Variants in YOD1 observed in about 807,000 individuals in gnomAD.
YOD1 encodes the protein YOD1 deubiquitinase.
In YOD1, 17 loss-of-function variants were observed where a neutral mutation model predicts 23.7. The observed-to-expected ratio is 0.72, with a 90% CI of 0.49 to 1.07. The LOEUF (loss-of-function observed/expected upper bound fraction) is 1.07, where lower values mean the gene tolerates loss of function less well. Among genes scored for constraint, YOD1 ranks in the 50% least tolerant of loss-of-function variants. The pLI, the probability that YOD1 is intolerant of heterozygous loss-of-function variation, is 0.00. For synonymous variants in YOD1, 191 were observed against 169.6 expected (o/e 1.13, Z -0.98); for missense variants, 413 against 447.2 (o/e 0.92, Z 0.69).
In YOD1 at chr1:207,051,043, C is replaced by T; in HGVS notation, c.-13G>A. ...CGGGGCCAAACATCGCGAGAAGTTG[C>T]GGGTGGTTGCAGTTATCGCGACGCT... On this transcript the variant is annotated 5_prime_UTR_variant, in exon 1 of 2. Transcript: ENST00000315927. 6.7e-7 allele frequency: 1 copy of T among 1,491,282 alleles called. No individual in the cohort carries two copies. Among genetic ancestry groups the T allele is most frequent in the Non-Finnish European group, 8.9e-7 (1 of 1,122,014 alleles). 92.4% of individuals were successfully genotyped at this position (1,491,282 alleles called of 1,614,324 possible).
intron 1 of YOD1, among the ~76,000 whole-genome samples, chr1:207,050,092 T>TCTAC (rs1235997694): frequency 2.0e-5 from 3 of 150,482 alleles, no homozygotes; most frequent in Non-Finnish European, 4.5e-5. Context: ...CGGAAACTTA[T>TCTAC]CTACTCTAGA....
In YOD1 at chr1:207,049,459, C is replaced by T. The variant is rs1292404647; in HGVS notation, c.608G>A (p.Gly203Glu). 8 of 1,614,042 alleles carry T rather than the reference C, an allele frequency of 5.0e-6. No individual in the cohort carries two copies. The highest frequency in any genetic ancestry group is 5.9e-6 in the Non-Finnish European group (7 of 1,180,034). The change falls in exon 2 of 2, where the codon GGA becomes GAA. Residue 203 changes from glycine (G) to glutamate (E), a missense_variant. Transcript: ENST00000315927. ...GTCACAGTACTCTTGATTTGTTTTTCCCAGTATTGCCTCACTATAGAAGTC... is the reference window on the plus strand; with the variant it reads ...GTCACAGTACTCTTGATTTGTTTTTTCCAGTATTGCCTCACTATAGAAGTC... Reference protein sequence around the residue: ...DPDFYSEAILGKTNQEYCDWI... With the variant: ...DPDFYSEAILEKTNQEYCDWI...
In YOD1 at chr1:207,049,135, G is replaced by A; in HGVS notation, c.932C>T (p.Thr311Ile). ...ADEARRRRQF[T>I]DVNRFTLRCM... ...TCTCAGGGTGAAGCGGTTGACATCAGTAAACTGTCTCCTTCTTCTAGCTTC... is the reference window on the plus strand; with the variant it reads ...TCTCAGGGTGAAGCGGTTGACATCAATAAACTGTCTCCTTCTTCTAGCTTC... Residue 311 changes from threonine (T) to isoleucine (I), a missense_variant, in exon 2 of 2, where the codon ACT (threonine) becomes ATT (isoleucine). By Grantham distance (89) the Thr-to-Ile change is moderately conservative. Coordinates refer to ENST00000315927, the MANE Select transcript of YOD1 (RefSeq NM_018566.4). The A allele has an allele frequency of 6.2e-7, 1 of 1,613,996 alleles. No individual in the cohort carries two copies. Among genetic ancestry groups the A allele is most frequent in the South Asian group, 1.1e-5 (1 of 91,078 alleles).
At chr1:207,052,394 G>C, upstream of YOD1, 1 of 594,496 alleles carries the variant, frequency 1.7e-6, no homozygotes. Flanking sequence ...GGGCGCAGTG[G>C]CTCACACCTG....
Position 207,046,571 on chromosome 1 carries a change from A to G in YOD1, c.*2449T>C, listed in dbSNP as rs1209665706. 6.6e-6 allele frequency: 1 copy of G among 152,136 alleles called. No individual in the cohort carries two copies. Among genetic ancestry groups the G allele is most frequent in the Non-Finnish European group, 1.5e-5 (1 of 67,958 alleles). The allele number at this position is 152,136 out of a possible 1,614,324, so 9.4% of individuals were successfully genotyped here. A position where few individuals can be genotyped will look rare whatever the true frequency, so the allele number is the denominator to read the frequency against. ...CTAGTGCTAAATTTCAGCAGACTAAAGAGTCATTTTTGAAAGGAATTTGAC... is the reference window on the plus strand; with the variant it reads ...CTAGTGCTAAATTTCAGCAGACTAAGGAGTCATTTTTGAAAGGAATTTGAC... On this transcript the variant is annotated 3_prime_UTR_variant, in exon 2 of 2. Coordinates refer to ENST00000315927, the MANE Select transcript of YOD1 (RefSeq NM_018566.4).
rs760201213 is a variant in YOD1 at position 207,045,343 on chromosome 1, T to C, written c.*3677A>G. The C allele has an allele frequency of 1.3e-5, 2 of 152,516 alleles. No homozygotes were observed. The highest frequency in any genetic ancestry group is 2.9e-5 in the Non-Finnish European group (2 of 67,922). The allele number at this position is 152,516 out of a possible 1,614,324, so 9.4% of individuals were successfully genotyped here. A position where few individuals can be genotyped will look rare whatever the true frequency, so the allele number is the denominator to read the frequency against. Reference sequence around the variant, plus strand: ...ACCATGCTCCTAATAGTTACTGAAATTGAGTTCTACTGTTATCAAAACACC... The same window carrying C: ...ACCATGCTCCTAATAGTTACTGAAACTGAGTTCTACTGTTATCAAAACACC... On this transcript the variant is annotated 3_prime_UTR_variant, in exon 2 of 2. Coordinates refer to ENST00000315927, the MANE Select transcript of YOD1 (RefSeq NM_018566.4).
Position 207,049,125 on chromosome 1 carries a change from G to A in YOD1, c.942C>T (p.Asn314=). ...ATACCATGCATCTCAGGGTGAAGCG[G>A]TTGACATCAGTAAACTGTCTCCTTC... ...ARRRRQFTDV[N]RFTLRCMVCQ... The change falls in exon 2 of 2, where the codon AAC becomes AAT. Residue 314 remains asparagine (N), a synonymous_variant. Transcript: ENST00000315927. The A allele has an allele frequency of 1.9e-6, 3 of 1,614,004 alleles. No homozygotes were observed. Among genetic ancestry groups the A allele is most frequent in the Non-Finnish European group, 2.5e-6 (3 of 1,180,016 alleles).
In YOD1 at chr1:207,049,386, A is replaced by C; in HGVS notation, c.681T>G (p.Ile227Met). Residue 227 changes from isoleucine (I) to methionine (M), a missense_variant, in exon 2 of 2, where the codon ATT (isoleucine) becomes ATG (methionine). By Grantham distance (10) the Ile-to-Met change is conservative. Transcript: ENST00000315927. The part of the protein sequence containing the change: ...DTWGGAIEIS[I>M]LSKFYQCEIC... ...TTTCACATTGGTAAAACTTGGACAA[A>C]ATCGATATCTCTATTGCTCCTCCCC... is the stretch of plus-strand genomic sequence containing the variant. The C allele has an allele frequency of 6.2e-7, 1 of 1,614,172 alleles. No homozygotes were observed. The highest frequency in any genetic ancestry group is 8.5e-7 in the Non-Finnish European group (1 of 1,180,024).
Position 207,047,685 on chromosome 1 carries a change from G to T in YOD1, c.*1335C>A, listed in dbSNP as rs981372349. 2 of 152,636 alleles carry T rather than the reference G, an allele frequency of 1.3e-5. No individual in the cohort carries two copies. The highest frequency in any genetic ancestry group is 4.8e-5 in the African/African-American group (2 of 41,458). 9.5% of individuals were successfully genotyped at this position (152,636 alleles called of 1,614,324 possible). ...GTAGTGAAGCTAAGTTTTAGAGGGT[G>T]TGCCTTGCGGATTAGTCCACTAAGC... is the stretch of plus-strand genomic sequence containing the variant. On this transcript the variant is annotated 3_prime_UTR_variant, in exon 2 of 2. Transcript: ENST00000315927.
chr1:207,049,241 G>A lies in YOD1; in HGVS notation c.826C>T (p.Pro276Ser). ...IHYDPLQRNFPDPDTPPLTIF... is the reference protein window; with the variant it reads ...IHYDPLQRNFSDPDTPPLTIF... ...GTCAGAGGAGGTGTATCTGGATCAGGGAAGTTACGCTGAAGTGGATCATAG... is the reference window on the plus strand; with the variant it reads ...GTCAGAGGAGGTGTATCTGGATCAGAGAAGTTACGCTGAAGTGGATCATAG... The change falls in exon 2 of 2, where the codon CCT (proline) becomes TCT (serine). Residue 276 changes from proline (P) to serine (S), a missense_variant. Transcript: ENST00000315927. 6.2e-7 allele frequency: 1 copy of A among 1,614,048 alleles called. No individual in the cohort carries two copies. The highest frequency in any genetic ancestry group is 2.2e-5 in the East Asian group (1 of 44,874).
rs1412833262 is a variant in YOD1 at position 207,051,175 on chromosome 1, A to C, written c.-145T>G. On this transcript the variant is annotated 5_prime_UTR_variant, in exon 1 of 2. Transcript: ENST00000315927. Reference sequence around the variant, plus strand: ...GAAGATGTAAACCTCCGTATTCCTAAAGGACAACGGGTCTTGCTACCTATA... The same window carrying C: ...GAAGATGTAAACCTCCGTATTCCTACAGGACAACGGGTCTTGCTACCTATA... The C allele has an allele frequency of 7.2e-7, 1 of 1,394,154 alleles. No homozygotes were observed. The highest frequency in any genetic ancestry group is 3.1e-5 in the Admixed American group (1 of 32,110). 86.4% of individuals were successfully genotyped at this position (1,394,154 alleles called of 1,614,324 possible).
At position 207,049,306 on chromosome 1, in the gene YOD1, C is replaced by T. The variant is rs767775929; in HGVS notation, c.761G>A (p.Gly254Glu). The change falls in exon 2 of 2, where the codon GGA (glycine) becomes GAA (glutamate). Residue 254 changes from glycine to glutamate, a missense_variant. Transcript: ENST00000315927. ...VRIDRFGEDA[G>E]YTKRVLLIYD... ...AATAAGCAGAACCCTTTTGGTATAT[C>T]CTGCATCTTCCCCAAAACGATCAAT... 2.5e-6 allele frequency: 4 copies of T among 1,614,060 alleles called. No homozygotes were observed. The South Asian group carries it at 3.3e-5, about 13-fold the overall frequency.
At position 207,048,080 on chromosome 1, in the gene YOD1, T is replaced by A. The variant is rs1362788103; in HGVS notation, c.*940A>T. On this transcript the variant is annotated 3_prime_UTR_variant, in exon 2 of 2. Coordinates refer to ENST00000315927, the MANE Select transcript of YOD1 (RefSeq NM_018566.4). Reference sequence around the variant, plus strand: ...AAATTAAATTCCCCCCGATAAACTTTACGCAAATGAAGAAAAAACTGAGGA... The same window carrying A: ...AAATTAAATTCCCCCCGATAAACTTAACGCAAATGAAGAAAAAACTGAGGA... The A allele has an allele frequency of 1.3e-5, 2 of 152,568 alleles. No individual in the cohort carries two copies. Among genetic ancestry groups the A allele is most frequent in the African/African-American group, 2.4e-5 (1 of 41,448 alleles). 9.5% of individuals were successfully genotyped at this position (152,568 alleles called of 1,614,324 possible). A position where few individuals can be genotyped will look rare whatever the true frequency, so the allele number is the denominator to read the frequency against.
In YOD1 at chr1:207,045,197, T is replaced by G. The variant is rs1264997889; in HGVS notation, c.*3823A>C. The G allele has an allele frequency of 6.6e-6, 1 of 152,428 alleles. No individual in the cohort carries two copies. Among genetic ancestry groups the G allele is most frequent in the Admixed American group, 6.5e-5 (1 of 15,272 alleles). The allele number at this position is 152,428 out of a possible 1,614,324, so 9.4% of individuals were successfully genotyped here. A position where few individuals can be genotyped will look rare whatever the true frequency, so the allele number is the denominator to read the frequency against. The stretch of plus-strand genomic sequence containing the variant: ...TCTGCTTGGAAACAAGTTTTAAGGA[T>G]CGAATCTTTTAGAAATTATCAGTCA... On this transcript the variant is annotated 3_prime_UTR_variant, in exon 2 of 2. Coordinates refer to ENST00000315927, the MANE Select transcript of YOD1 (RefSeq NM_018566.4).
In YOD1 at chr1:207,044,280, T is replaced by C. The variant is rs1682541341; in HGVS notation, c.*4740A>G. Reference sequence around the variant, plus strand: ...ACAAACTATTCATATTCATTCTGTATTTAGGCTGAATTCAAATTTTTTTCA... The same window carrying C: ...ACAAACTATTCATATTCATTCTGTACTTAGGCTGAATTCAAATTTTTTTCA... On this transcript the variant is annotated 3_prime_UTR_variant, in exon 2 of 2. Transcript: ENST00000315927. 2.0e-5 allele frequency: 3 copies of C among 152,598 alleles called. No homozygotes were observed. The highest frequency in any genetic ancestry group is 7.2e-5 in the African/African-American group (3 of 41,460). The allele number at this position is 152,598 out of a possible 1,614,324, so 9.5% of individuals were successfully genotyped here.
upstream of YOD1, chr1:207,052,391 G>A: frequency 1.6e-6 from 1 of 607,760 alleles, no homozygotes; most frequent in Non-Finnish European, 2.9e-6. Context: ...GCCGGGCGCA[G>A]TGGCTCACAC....
rs537097659 is a variant in YOD1, at chr1:207,043,940, A to C, written c.*5080T>G. The C allele has an allele frequency of 1.3e-5, 2 of 152,764 alleles. No individual in the cohort carries two copies. Among genetic ancestry groups the C allele is most frequent in the African/African-American group, 4.8e-5 (2 of 41,592 alleles). The allele number at this position is 152,764 out of a possible 1,614,324, so 9.5% of individuals were successfully genotyped here. On this transcript the variant is annotated 3_prime_UTR_variant, in exon 2 of 2. Coordinates refer to ENST00000315927, the MANE Select transcript of YOD1 (RefSeq NM_018566.4). ...TACACCTCATAAATAAAATCAATGC[A>C]TCTTAATGACAATGGCAAAATCACA...
rs749813839 is a variant in YOD1 at position 207,045,133 on chromosome 1, G to A, written c.*3887C>T. Reference sequence around the variant, plus strand: ...AAATGATGCCACTTGTATATGACACGTTTAAGGCCTCTGACTCAAAAATCA... The same window carrying A: ...AAATGATGCCACTTGTATATGACACATTTAAGGCCTCTGACTCAAAAATCA... On this transcript the variant is annotated 3_prime_UTR_variant, in exon 2 of 2. Coordinates refer to ENST00000315927, the MANE Select transcript of YOD1 (RefSeq NM_018566.4). The A allele has an allele frequency of 6.6e-5, 10 of 152,352 alleles. No homozygotes were observed. The highest frequency in any genetic ancestry group is 1.2e-4 in the Non-Finnish European group (8 of 67,878). 9.4% of individuals were successfully genotyped at this position (152,352 alleles called of 1,614,324 possible).
At chr1:207,052,471 C>T, upstream of YOD1, 1 of 435,064 alleles carries the variant, frequency 2.3e-6, no homozygotes, top group Admixed American at 4.0e-5. Flanking sequence ...AGACCAGCCT[C>T]ATCAATATGG....
Sources: gnomAD v4.1 joint callset for allele counts (sites outside exome capture counted in the v4.1 genomes callset) on GRCh38, gnomAD v4.1.1 for gene constraint, MANE v1.5 for transcripts, NCBI Gene and HGNC (gene_info 2026-07-23, HGNC 2026-07-21) for gene names.